Variants in NAALADL2 observed in about 807,000 individuals in gnomAD.
NAALADL2 encodes inactive N-acetylated-alpha-linked acidic dipeptidase-like protein 2.
In NAALADL2, 76 loss-of-function variants were observed where a neutral mutation model predicts 87.2. That is an observed-to-expected ratio of 0.87 (90% CI 0.72 to 1.05). The LOEUF (loss-of-function observed/expected upper bound fraction) is 1.05. NAALADL2 is among the 50% of genes least tolerant of loss of function. The pLI, the probability that NAALADL2 is intolerant of heterozygous loss-of-function variation, is 0.00. For synonymous variants in NAALADL2, 354 were observed against 331.0 expected (o/e 1.07, Z -0.75); for missense variants, 1,089 against 945.8 (o/e 1.15, Z -1.99).
At chr3:175,320,720 A>G (rs561770869) in intron 4 of NAALADL2, among the ~76,000 whole-genome samples, 1 of 152,322 alleles carries the variant, frequency 6.6e-6, no homozygotes, top group African/African-American at 2.4e-5. Context: ...CTACGCAAAT[A>G]AACTAGAAAA....
intron 2 of NAALADL2, among the ~76,000 whole-genome samples, chr3:175,178,754 G>T (rs1296478497): frequency 1.3e-5 from 2 of 151,906 alleles, no homozygotes; most frequent in African/African-American, 4.8e-5. Context: ...TGGTCCAGGG[G>T]TTATGCTTTG....
At chr3:175,504,933 G>C (rs1328313307) in intron 9 of NAALADL2, among the ~76,000 whole-genome samples, 1 of 152,138 alleles carries the variant, frequency 6.6e-6, no homozygotes, top group Non-Finnish European at 1.5e-5. Flanking sequence ...GGAAGGATGT[G>C]ACGGCAGCAA....
At chr3:174,742,987 G>A (rs1034968906) in intron 3 of NAALADL2, among the ~76,000 whole-genome samples, 16 of 151,464 alleles carry the variant, frequency 1.1e-4, no homozygotes, top group African/African-American at 3.6e-4. Context: ...TTCCTTTTAT[G>A]TAATAGTAAA....
At chr3:175,376,843 C>A (rs1055081989) in intron 5 of NAALADL2, among the ~76,000 whole-genome samples, 1 of 152,088 alleles carries the variant, frequency 6.6e-6, no homozygotes, top group Middle Eastern at 3.2e-3. Flanking sequence ...GGGGTTGTTT[C>A]TGTTACTATG....
chr3:174,751,068 T>G (rs1734772601), intron 3 of NAALADL2, among the ~76,000 whole-genome samples: 1 of 152,118 alleles, frequency 6.6e-6, no homozygotes, highest in South Asian at 2.1e-4. Context: ...ATTTATTTAT[T>G]TTTGGCTGGT....
At chr3:174,573,515 G>C (rs978105061) in intron 2 of NAALADL2, among the ~76,000 whole-genome samples, 1 of 152,142 alleles carries the variant, frequency 6.6e-6, no homozygotes, top group African/African-American at 2.4e-5. Context: ...CTAAGGCTGG[G>C]TAATTTATAA....
chr3:175,072,969 T>G (rs990996317), intron 1 of NAALADL2, among the ~76,000 whole-genome samples: 1 of 152,102 alleles, frequency 6.6e-6, no homozygotes, highest in African/African-American at 2.4e-5. Context: ...TTTCTTTTAA[T>G]TTCTTAGGCT....
chr3:174,574,898 G>A (rs759029427), intron 2 of NAALADL2, among the ~76,000 whole-genome samples: 2 of 151,988 alleles, frequency 1.3e-5, no homozygotes, highest in African/African-American at 2.4e-5. Flanking sequence ...AAAGCAAAAC[G>A]AGTTTATCCA....
At chr3:175,060,850 C>T (rs143561838) in intron 1 of NAALADL2, among the ~76,000 whole-genome samples, 2 of 152,098 alleles carry the variant, frequency 1.3e-5, no homozygotes, top group Non-Finnish European at 2.9e-5. Flanking sequence ...GAGTTTGAGA[C>T]CAGCCTGATC....
intron 4 of NAALADL2, among the ~76,000 whole-genome samples, chr3:175,321,991 A>G (rs1409774989): frequency 6.6e-6 from 1 of 151,970 alleles, no homozygotes; most frequent in Non-Finnish European, 1.5e-5. Context: ...AAACTACTTT[A>G]AAGTTCTTAT....
chr3:175,799,987 AC>A (rs1753946508), intron 13 of NAALADL2, among the ~76,000 whole-genome samples: 1 of 152,140 alleles, frequency 6.6e-6, no homozygotes, highest in Non-Finnish European at 1.5e-5. Flanking sequence ...GGGGAATCTA[AC>A]ATTTCCTGGT....
chr3:175,548,656 T>C (rs1001153352), intron 9 of NAALADL2, among the ~76,000 whole-genome samples: 1 of 152,064 alleles, frequency 6.6e-6, no homozygotes, highest in Non-Finnish European at 1.5e-5. Flanking sequence ...ATTTAAGTAC[T>C]GCTAAGACTG....
At chr3:175,780,168 C>T (rs546336312) in intron 13 of NAALADL2, among the ~76,000 whole-genome samples, 9 of 150,976 alleles carry the variant, frequency 6.0e-5, no homozygotes, top group African/African-American at 1.5e-4. Flanking sequence ...CCCAGGTACT[C>T]GGGAGGCTGA....
chr3:174,635,630 G>A (rs1298260720), intron 2 of NAALADL2, among the ~76,000 whole-genome samples: 1 of 151,642 alleles, frequency 6.6e-6, no homozygotes, highest in African/African-American at 2.4e-5. Context: ...AGCCTGTCAA[G>A]TAGCTGGGAT....
intron 1 of NAALADL2, among the ~76,000 whole-genome samples, chr3:175,070,394 C>T (rs573254862): frequency 3.3e-5 from 5 of 151,924 alleles, no homozygotes; most frequent in East Asian, 1.9e-4. Flanking sequence ...ATGAGAATCT[C>T]CTAGATGATG....
rs1759015069 is a variant in NAALADL2 at position 175,315,424 on chromosome 3, G to T, written c.940-8751G>T. Among the ~76,000 whole-genome samples the T allele has an allele frequency of 2.0e-5, 3 of 152,204 alleles. 1 individual carries two copies. In the South Asian group the frequency reaches 6.2e-4, roughly 32 times the overall value. On this transcript the variant is annotated intron_variant, in intron 4 of 13. Transcript: ENST00000454872. ...TTTTTGAGGGAGAATCATTAACTAT[G>T]GAAGGATTAGGAATTATCAGTAATG...
intron 1 of NAALADL2, among the ~76,000 whole-genome samples, chr3:175,089,652 C>G (rs1263947104): frequency 6.6e-6 from 1 of 152,088 alleles, no homozygotes; most frequent in East Asian, 1.9e-4. Flanking sequence ...CTCTGTACAT[C>G]AAAATCTAAG....
At chr3:175,628,916 A>T (rs1222674929) in intron 11 of NAALADL2, among the ~76,000 whole-genome samples, 1 of 150,392 alleles carries the variant, frequency 6.6e-6, no homozygotes, top group Admixed American at 6.7e-5. Flanking sequence ...ACTTAAAATT[A>T]TTCTAAGCTC....
chr3:175,324,215 TGTATATC>T lies in NAALADL2; in HGVS notation c.982_988del (p.Tyr328IlefsTer9). On this transcript the variant is annotated frameshift_variant, in exon 5 of 14. Transcript: ENST00000454872. LOFTEE classifies it high-confidence loss of function. ...AAGGCTGGATTTGGAGGTGTTCTTCTGTATATCGATCCTTGTGATTTGCCAAAGACTG... is the reference window on the plus strand; with the variant it reads ...AAGGCTGGATTTGGAGGTGTTCTTCTGATCCTTGTGATTTGCCAAAGACTG... 1 of 1,613,776 alleles carries T rather than the reference TGTATATC, an allele frequency of 6.2e-7. No homozygotes were observed. The highest frequency in any genetic ancestry group is 8.5e-7 in the Non-Finnish European group (1 of 1,179,742).
Sources: allele counts gnomAD v4.1 joint callset (sites outside exome capture counted in the v4.1 genomes callset), GRCh38; gene constraint gnomAD v4.1.1; transcripts MANE v1.5; gene names NCBI Gene and HGNC (gene_info 2026-07-23, HGNC 2026-07-21).